The following PTPRK variants were observed in gnomAD, a reference collection of about 807,000 sequenced individuals.
PTPRK encodes the protein receptor-type tyrosine-protein phosphatase kappa.
Under a neutral mutation model 178.0 loss-of-function variants are expected in PTPRK, and 75 were observed. The ratio of observed to expected loss-of-function variants is 0.42; its 90% CI spans 0.35 to 0.51. PTPRK has a LOEUF of 0.51. Among genes scored for constraint, PTPRK ranks in the 20% least tolerant of loss-of-function variants. The pLI is 0.02. For missense variants in PTPRK, 1,441 were observed against 1,797.8 expected, an observed-to-expected ratio of 0.80 and a Z score of 3.59; for synonymous variants, 637 against 620.6, an observed-to-expected ratio of 1.03 and a Z score of -0.39.
Position 128,519,926 on chromosome 6 carries a change from G to A in PTPRK, c.100+333C>T, listed in dbSNP as rs570820725. On this transcript the variant is annotated intron_variant, in intron 1 of 29. Coordinates refer to ENST00000368226, the MANE Select transcript of PTPRK (RefSeq NM_002844.4). The surrounding 1 kb of genome is among the most constrained non-coding windows in gnomAD (Gnocchi z 4.3). Reference sequence around the variant, plus strand: ...ACAAACCCGCACCACAAGCAACAGAGTGCCGTCACGGGAGTCGTAACTACT... The same window carrying A: ...ACAAACCCGCACCACAAGCAACAGAATGCCGTCACGGGAGTCGTAACTACT... Among the ~76,000 whole-genome samples the A allele has an allele frequency of 1.3e-5, 2 of 152,186 alleles. No homozygotes were observed. Among genetic ancestry groups the A allele is most frequent in the African/African-American group, 2.4e-5 (1 of 41,458 alleles).
chr6:128,343,930 C>G (rs961101164), intron 2 of PTPRK, among the ~76,000 whole-genome samples: 1 of 152,160 alleles, frequency 6.6e-6, no homozygotes, highest in African/African-American at 2.4e-5. Context: ...TCAGATCAAC[C>G]TTGGTTCAAA....
intron 7 of PTPRK, among the ~76,000 whole-genome samples, chr6:128,131,904 T>A (rs1017076876): frequency 3.3e-5 from 5 of 152,198 alleles, no homozygotes; most frequent in Non-Finnish European, 5.9e-5. Flanking sequence ...CTCTGATCTC[T>A]TTAAGAAAAA....
chr6:128,455,513 A>G (rs1396240828), intron 1 of PTPRK, among the ~76,000 whole-genome samples: 3 of 152,160 alleles, frequency 2.0e-5, no homozygotes, highest in Non-Finnish European at 4.4e-5. Context: ...ATCCTACTTC[A>G]GAAATGATCT....
intron 5 of PTPRK, among the ~76,000 whole-genome samples, chr6:128,219,527 T>A (rs1190806404): frequency 6.6e-6 from 1 of 152,170 alleles, no homozygotes; most frequent in African/African-American, 2.4e-5. Flanking sequence ...ACTGCTCACC[T>A]CCTGCTGTGT....
intron 1 of PTPRK, among the ~76,000 whole-genome samples, chr6:128,488,934 A>T (rs916948042): frequency 2.6e-5 from 4 of 152,242 alleles, no homozygotes; most frequent in African/African-American, 4.8e-5. Flanking sequence ...CAAAAAAAAA[A>T]TAAGAAAAAC....
At chr6:128,153,612 C>G (rs1172596960) in intron 7 of PTPRK, among the ~76,000 whole-genome samples, 1 of 151,922 alleles carries the variant, frequency 6.6e-6, no homozygotes, top group African/African-American at 2.4e-5. Flanking sequence ...TGAAATCCAT[C>G]TTTCAAATTA....
At chr6:128,215,588 C>CT (rs897767362) in intron 6 of PTPRK, among the ~76,000 whole-genome samples, 4 of 152,020 alleles carry the variant, frequency 2.6e-5, no homozygotes, top group East Asian at 1.9e-4. Flanking sequence ...TTTCTCCATA[C>CT]TTTTTTTTAT....
At chr6:128,358,854 A>C (rs1266464426) in intron 2 of PTPRK, among the ~76,000 whole-genome samples, 1 of 152,264 alleles carries the variant, frequency 6.6e-6, no homozygotes, top group Non-Finnish European at 1.5e-5. Flanking sequence ...GCAGCTGGAA[A>C]GCAGCAATAT....
intron 1 of PTPRK, among the ~76,000 whole-genome samples, chr6:128,406,779 A>G (rs1365932034): frequency 6.6e-6 from 1 of 152,222 alleles, no homozygotes; most frequent in Non-Finnish European, 1.5e-5. Flanking sequence ...CCTGAATCAC[A>G]GTAACTTTCT....
intron 2 of PTPRK, among the ~76,000 whole-genome samples, chr6:128,332,447 T>C (rs1830399874): frequency 6.6e-6 from 1 of 152,188 alleles, no homozygotes; most frequent in Admixed American, 6.6e-5. Context: ...CCCACCCCAC[T>C]GAGGTCCGGT....
intron 1 of PTPRK, among the ~76,000 whole-genome samples, chr6:128,493,590 C>CCA (rs1854201153): frequency 1.7e-5 from 1 of 59,678 alleles, no homozygotes; most frequent in African/African-American, 8.0e-5. Flanking sequence ...CTCCCGCCCC[C>CCA]TACACACACA....
At chr6:128,000,178 T>TG in intron 15 of PTPRK, 2 of 1,003,442 alleles carry the variant, frequency 2.0e-6, no homozygotes, top group Non-Finnish European at 2.4e-6. Context: ...GGGAACTTTT[T>TG]TTTTAATGAT....
chr6:128,337,576 G>A (rs552096375), intron 2 of PTPRK, among the ~76,000 whole-genome samples: 17 of 152,152 alleles, frequency 1.1e-4, no homozygotes, highest in Admixed American at 9.2e-4. Flanking sequence ...AAAGGATCAT[G>A]TGATGTAAAT....
At chr6:127,992,807 A>C in intron 18 of PTPRK, 98 bp from the exon 19 acceptor site, 1 of 989,198 alleles carries the variant, frequency 1.0e-6, no homozygotes, top group Non-Finnish European at 1.5e-6. Flanking sequence ...GTTAAGATTA[A>C]GTTATAATAA....
intron 7 of PTPRK, among the ~76,000 whole-genome samples, chr6:128,164,049 T>C (rs1799046365): frequency 6.6e-6 from 1 of 151,452 alleles, no homozygotes; most frequent in Admixed American, 6.6e-5. Context: ...TATCTTCCTT[T>C]GACACACCCA....
chr6:128,101,743 C>T (rs1285417092), intron 7 of PTPRK, among the ~76,000 whole-genome samples: 1 of 152,124 alleles, frequency 6.6e-6, no homozygotes, highest in East Asian at 1.9e-4. Flanking sequence ...CTCATGTATT[C>T]TCCCAATGCC....
At chr6:128,216,519 A>T (rs1809324173) in intron 6 of PTPRK, among the ~76,000 whole-genome samples, 1 of 151,054 alleles carries the variant, frequency 6.6e-6, no homozygotes, top group East Asian at 2.0e-4. Flanking sequence ...TGGGTGACAG[A>T]GCGAGATTCT....
chr6:128,185,781 A>C (rs2114701781), intron 6 of PTPRK, among the ~76,000 whole-genome samples: 1 of 152,246 alleles, frequency 6.6e-6, no homozygotes, highest in South Asian at 2.1e-4. Context: ...AGAAGGTACA[A>C]ATAGAGGGAA....
intron 1 of PTPRK, among the ~76,000 whole-genome samples, chr6:128,486,633 G>A (rs1562619616): frequency 6.6e-6 from 1 of 151,954 alleles, no homozygotes; most frequent in Admixed American, 6.6e-5. Context: ...GTGAAACCCT[G>A]TCTACAAAAA....
Sources: gnomAD v4.1 joint callset for allele counts (sites outside exome capture counted in the v4.1 genomes callset) on GRCh38, gnomAD v4.1.1 for gene constraint, Gnocchi (gnomAD v3.1) non-coding constraint, MANE v1.5 for transcripts, NCBI Gene and HGNC (gene_info 2026-07-23, HGNC 2026-07-21) for gene names.